Variants in EFNA5 observed in about 807,000 individuals in gnomAD.
EFNA5 encodes the protein ephrin-A5.
A neutral mutation model predicts 22.9 loss-of-function variants in EFNA5; 5 were observed. That is an observed-to-expected ratio of 0.22 (90% confidence interval 0.11 to 0.46). EFNA5 has a LOEUF of 0.46. EFNA5 is among the 20% of genes least tolerant of loss of function. EFNA5 has a pLI of 0.99. For missense variants in EFNA5, 237 were observed against 293.3 expected, an observed-to-expected ratio of 0.81 and a Z score of 1.40; for synonymous variants, 113 against 112.2, an observed-to-expected ratio of 1.01 and a Z score of -0.04.
chr5:107,670,757 G>A lies in EFNA5; in HGVS notation c.-144C>T. 1.7e-6 allele frequency: 2 copies of A among 1,188,574 alleles called. No homozygotes were observed. Among genetic ancestry groups the A allele is most frequent in the Non-Finnish European group, 2.3e-6 (2 of 860,070 alleles). The allele number at this position is 1,188,574 out of a possible 1,614,324, so 73.6% of individuals were successfully genotyped here. A position where few individuals can be genotyped will look rare whatever the true frequency, so the allele number is the denominator to read the frequency against. On this transcript the variant is annotated 5_prime_UTR_variant, in exon 1 of 5. Coordinates refer to ENST00000333274, the MANE Select transcript of EFNA5 (RefSeq NM_001962.3). ...ATAAAAATGAAAGTGGGCGAGAAAG[G>A]AAAGAGGCGCCCACCAAGCTGGGGA... is the stretch of plus-strand genomic sequence containing the variant.
intron 1 of EFNA5, among the ~76,000 whole-genome samples, chr5:107,469,164 C>T (rs544711290): frequency 6.6e-6 from 1 of 152,222 alleles, no homozygotes; most frequent in East Asian, 1.9e-4. Context: ...AAACACCAGG[C>T]CCTTTTGAAC....
intron 1 of EFNA5, among the ~76,000 whole-genome samples, chr5:107,611,050 C>G (rs1425449160): frequency 6.6e-6 from 1 of 152,120 alleles, no homozygotes; most frequent in Non-Finnish European, 1.5e-5. Context: ...CAATGATATT[C>G]TGTCTCAAAT....
chr5:107,669,902 C>G (rs1751151008), intron 1 of EFNA5, among the ~76,000 whole-genome samples: 1 of 151,842 alleles, frequency 6.6e-6, no homozygotes, highest in African/African-American at 2.4e-5. Context: ...ACTCAGGGGC[C>G]GAATGATTTC....
At chr5:107,634,673 C>A (rs1750335106) in intron 1 of EFNA5, among the ~76,000 whole-genome samples, 1 of 146,074 alleles carries the variant, frequency 6.8e-6, no homozygotes, top group Non-Finnish European at 1.5e-5. Flanking sequence ...CATAGGCAGA[C>A]TAAGTTTTAA....
chr5:107,400,117 T>C (rs1471716179), intron 2 of EFNA5, among the ~76,000 whole-genome samples: 2 of 152,160 alleles, frequency 1.3e-5, no homozygotes, highest in Admixed American at 1.3e-4. Context: ...TTTTAAATGA[T>C]AGAGAATAAC....
chr5:107,471,405 G>A (rs1750137832), intron 1 of EFNA5, among the ~76,000 whole-genome samples: 1 of 152,074 alleles, frequency 6.6e-6, no homozygotes, highest in African/African-American at 2.4e-5. Flanking sequence ...TTCTGAGACT[G>A]CACAGGACTG....
intron 1 of EFNA5, among the ~76,000 whole-genome samples, chr5:107,631,804 G>A (rs1750260486): frequency 6.6e-6 from 1 of 152,232 alleles, no homozygotes; most frequent in African/African-American, 2.4e-5. Context: ...GGCTTTAGTT[G>A]AGGTCTGCTT....
chr5:107,409,632 T>A (rs1748308742), intron 2 of EFNA5, among the ~76,000 whole-genome samples: 1 of 152,248 alleles, frequency 6.6e-6, no homozygotes, highest in Non-Finnish European at 1.5e-5. Flanking sequence ...CATCAAAGAA[T>A]GTAAGATGGA....
At chr5:107,478,398 T>C (rs921379435) in intron 1 of EFNA5, among the ~76,000 whole-genome samples, 1 of 152,196 alleles carries the variant, frequency 6.6e-6, no homozygotes, top group African/African-American at 2.4e-5. Flanking sequence ...ATACTGCCCC[T>C]ACTCCGGTTA....
chr5:107,437,895 T>C (rs144401540), intron 1 of EFNA5, among the ~76,000 whole-genome samples: 13 of 152,314 alleles, frequency 8.5e-5, no homozygotes, highest in African/African-American at 3.1e-4. Context: ...GGACTGTTGT[T>C]CAAGCAATGC....
At chr5:107,479,944 G>A (rs1037486719) in intron 1 of EFNA5, among the ~76,000 whole-genome samples, 1 of 152,092 alleles carries the variant, frequency 6.6e-6, no homozygotes, top group Non-Finnish European at 1.5e-5. Flanking sequence ...AGAAGATTCT[G>A]AGTACAATAC....
At chr5:107,496,059 C>T (rs1746971314) in intron 1 of EFNA5, among the ~76,000 whole-genome samples, 2 of 151,202 alleles carry the variant, frequency 1.3e-5, no homozygotes, top group East Asian at 3.9e-4. Flanking sequence ...GGCGCGGTGG[C>T]TCATGCCTGT....
chr5:107,601,736 T>C (rs1473243038), intron 1 of EFNA5, among the ~76,000 whole-genome samples: 1 of 152,220 alleles, frequency 6.6e-6, no homozygotes, highest in Non-Finnish European at 1.5e-5. Context: ...TTAACTCATG[T>C]TTTTTCCTTT....
chr5:107,513,916 G>A (rs571504079), intron 1 of EFNA5, among the ~76,000 whole-genome samples: 3 of 152,292 alleles, frequency 2.0e-5, no homozygotes, highest in South Asian at 4.1e-4. Flanking sequence ...AGGATGTTGC[G>A]AGGTAGGCCT....
chr5:107,449,307 G>A (rs1438997694), intron 1 of EFNA5, among the ~76,000 whole-genome samples: 4 of 151,856 alleles, frequency 2.6e-5, no homozygotes, highest in African/African-American at 9.7e-5. Flanking sequence ...GCACAAGGAG[G>A]TCATAATGAT....
chr5:107,513,204 G>A (rs1298450466), intron 1 of EFNA5, among the ~76,000 whole-genome samples: 1 of 152,124 alleles, frequency 6.6e-6, no homozygotes, highest in African/African-American at 2.4e-5. Flanking sequence ...TCAGAGATTT[G>A]GGGCTGGGAA....
intron 1 of EFNA5, among the ~76,000 whole-genome samples, chr5:107,656,050 G>A (rs1750814454): frequency 6.6e-6 from 1 of 152,124 alleles, no homozygotes. Context: ...GCCCAGACAG[G>A]AATTGATTTG....
Position 107,531,401 on chromosome 5 carries a change from C to T in EFNA5, c.126-103892G>A, listed in dbSNP as rs550024627. On this transcript the variant is annotated intron_variant, in intron 1 of 4. Transcript: ENST00000333274. ...TGACAAATGAAAGGGGCAGGCAGGA[C>T]GGTGAGGCTGCCGAAGGCAGGACAG... 2.0e-4 allele frequency among the ~76,000 whole-genome samples: 30 copies of T among 152,244 alleles called. No homozygotes were observed. The South Asian group carries it at 4.6e-3, about 23-fold the overall frequency.
intron 1 of EFNA5, among the ~76,000 whole-genome samples, chr5:107,495,654 A>T (rs1396994923): frequency 6.6e-6 from 1 of 152,230 alleles, no homozygotes; most frequent in Non-Finnish European, 1.5e-5. Flanking sequence ...AAGTATGACA[A>T]ATAACGCCAT....
Sources: gnomAD v4.1 joint callset for allele counts (sites outside exome capture counted in the v4.1 genomes callset) on GRCh38, gnomAD v4.1.1 for gene constraint, MANE v1.5 for transcripts, NCBI Gene and HGNC (gene_info 2026-07-23, HGNC 2026-07-21) for gene names.